Variants in PDE8A observed in about 807,000 individuals in gnomAD.
PDE8A encodes the protein phosphodiesterase 8A.
PDE8A carries 59 observed loss-of-function variants against 105.0 expected under a neutral mutation model. The observed-to-expected ratio is 0.56, with a 90% CI of 0.46 to 0.70. PDE8A has a LOEUF of 0.70. Ranked by LOEUF, PDE8A falls within the 30% of genes least tolerant of loss-of-function variation. The pLI is 0.00. For synonymous variants in PDE8A, 355 were observed against 371.9 expected, an observed-to-expected ratio of 0.95 and a Z score of 0.52; for missense variants, 1,014 against 1,045.9, an observed-to-expected ratio of 0.97 and a Z score of 0.42.
At chr15:85,061,464 T>A (rs2141444430) in intron 1 of PDE8A, among the ~76,000 whole-genome samples, 1 of 152,268 alleles carries the variant, frequency 6.6e-6, no homozygotes, top group East Asian at 1.9e-4. Context: ...GGTTTCGAAT[T>A]CCTGGCCTCA....
At position 85,137,691 on chromosome 15, in the gene PDE8A, C is replaced by G. The variant is rs968229401; in HGVS notation, c.2384-106C>G. On this transcript the variant is annotated intron_variant, in intron 21 of 21. Transcript: ENST00000394553. The stretch of plus-strand genomic sequence containing the variant: ...GTTTGCCCGGGTCTGTTTAGCCTCA[C>G]GCAGATGCCTGCTCCCATCTGTCAC... 9.7e-6 allele frequency: 7 copies of G among 722,832 alleles called. No homozygotes were observed. In the East Asian group the frequency reaches 1.3e-4, roughly 14 times the overall value. The allele number at this position is 722,832 out of a possible 1,614,324, so 44.8% of individuals were successfully genotyped here. A position where few individuals can be genotyped will look rare whatever the true frequency, so the allele number is the denominator to read the frequency against.
At chr15:85,083,258 T>G (rs2081495987) in intron 5 of PDE8A, among the ~76,000 whole-genome samples, 1 of 152,044 alleles carries the variant, frequency 6.6e-6, no homozygotes, top group Non-Finnish European at 1.5e-5. Flanking sequence ...GCTTTGTCAG[T>G]GACATGAAAA....
intron 1 of PDE8A, among the ~76,000 whole-genome samples, chr15:85,044,904 C>T (rs2080863703): frequency 6.6e-6 from 1 of 152,210 alleles, no homozygotes; most frequent in African/African-American, 2.4e-5. Flanking sequence ...TCTTGTCCTG[C>T]CTTAGAAAAC....
At chr15:85,028,987 CGAGA>C (rs1021186626) in intron 1 of PDE8A, among the ~76,000 whole-genome samples, 1 of 151,936 alleles carries the variant, frequency 6.6e-6, no homozygotes, top group African/African-American at 2.4e-5. Flanking sequence ...AGTAATCTGT[CGAGA>C]GAGAGAAATG....
intron 20 of PDE8A, 78 bp from the exon 21 acceptor site, chr15:85,136,456 C>T (rs2082411510): frequency 4.7e-6 from 7 of 1,485,938 alleles, no homozygotes; most frequent in Non-Finnish European, 4.5e-6. Flanking sequence ...AGGAGAAGCT[C>T]TTCCTGGGGG....
At chr15:85,127,272 A>G (rs1300952895) in intron 20 of PDE8A, among the ~76,000 whole-genome samples, 1 of 152,210 alleles carries the variant, frequency 6.6e-6, no homozygotes, top group Non-Finnish European at 1.5e-5. Context: ...GAAACAAGGT[A>G]AGGGTGCCCA....
chr15:85,104,214 A>G (rs1459792426), intron 11 of PDE8A, among the ~76,000 whole-genome samples: 1 of 152,178 alleles, frequency 6.6e-6, no homozygotes, highest in Non-Finnish European at 1.5e-5. Context: ...GGCAGGAGAA[A>G]ATAATTTGAA....
At position 85,083,615 on chromosome 15, in the gene PDE8A, T is replaced by C. The variant is rs376339850; in HGVS notation, c.606T>C (p.Phe202=). The C allele has an allele frequency of 3.1e-6, 5 of 1,613,400 alleles. No homozygotes were observed. The highest frequency in any genetic ancestry group is 2.2e-5 in the East Asian group (1 of 44,840). The change falls in exon 6 of 22, where the codon TTT becomes TTC. Residue 202 remains phenylalanine (F), a synonymous_variant. Transcript: ENST00000394553. ...ACYNELLQLE[F]GEVRSQLKLR... is the part of the protein sequence containing the mutation. ...ACAATGAACTGCTCCAGCTGGAGTTTGGAGAGGTGCGATCACAACTGAAAC... is the reference window on the plus strand; with the variant it reads ...ACAATGAACTGCTCCAGCTGGAGTTCGGAGAGGTGCGATCACAACTGAAAC...
At chr15:85,114,105 C>T (rs969164105) in intron 14 of PDE8A, 68 bp downstream of exon 14, 21 of 1,359,774 alleles carry the variant, frequency 1.5e-5, no homozygotes, top group Non-Finnish European at 2.2e-5. Flanking sequence ...AGAGGTTATT[C>T]ACTTAAACAG....
At chr15:85,029,863 A>G (rs1207450699) in intron 1 of PDE8A, among the ~76,000 whole-genome samples, 1 of 152,174 alleles carries the variant, frequency 6.6e-6, no homozygotes, top group Non-Finnish European at 1.5e-5. Context: ...AGTGTCACTC[A>G]TATGACAATG....
chr15:84,991,546 A>C (rs542168764), intron 1 of PDE8A, among the ~76,000 whole-genome samples: 9 of 152,230 alleles, frequency 5.9e-5, no homozygotes, highest in Non-Finnish European at 8.8e-5. Context: ...ACCCATTGTC[A>C]TTGCCAGGTA....
At chr15:85,037,065 ATTTT>A (rs756347084) in intron 1 of PDE8A, among the ~76,000 whole-genome samples, 2 of 141,458 alleles carry the variant, frequency 1.4e-5, no homozygotes, top group Admixed American at 7.1e-5. Flanking sequence ...TACTGGACTA[ATTTT>A]TTTTTTTTTT....
chr15:85,048,233 C>T (rs987991156), intron 1 of PDE8A, among the ~76,000 whole-genome samples: 3 of 151,962 alleles, frequency 2.0e-5, no homozygotes, highest in Non-Finnish European at 2.9e-5. Flanking sequence ...TAGTTTGCTT[C>T]GTTGAAGGAT....
At chr15:85,016,163 TA>T (rs1412628125) in intron 1 of PDE8A, among the ~76,000 whole-genome samples, 1 of 152,282 alleles carries the variant, frequency 6.6e-6, no homozygotes, top group South Asian at 2.1e-4. Flanking sequence ...AAATAAAATT[TA>T]AAAAATGACT....
At chr15:85,108,971 T>A (rs1596527786) in intron 11 of PDE8A, 82 bp from the exon 12 acceptor site, 7 of 966,352 alleles carry the variant, frequency 7.2e-6, no homozygotes, top group East Asian at 4.8e-5. Flanking sequence ...TTGAGAGTTT[T>A]AAAAAAATTT....
intron 1 of PDE8A, among the ~76,000 whole-genome samples, chr15:85,006,350 G>A (rs1761504825): frequency 6.6e-6 from 1 of 152,100 alleles, no homozygotes; most frequent in Non-Finnish European, 1.5e-5. Context: ...TCATAAATGT[G>A]GTGGTGAATG....
At chr15:85,112,801 G>A (rs562383304) in intron 12 of PDE8A, among the ~76,000 whole-genome samples, 1 of 152,274 alleles carries the variant, frequency 6.6e-6, no homozygotes, top group East Asian at 1.9e-4. Context: ...ACCATATCTT[G>A]ACAGGAACAA....
At chr15:85,100,441 A>T (rs115104540) in intron 11 of PDE8A, among the ~76,000 whole-genome samples, 116 of 152,358 alleles carry the variant, frequency 7.6e-4, no homozygotes, top group African/African-American at 2.7e-3. Flanking sequence ...GAAATGGTCA[A>T]CTGAAATGCA....
chr15:85,047,270 T>C (rs12909130), intron 1 of PDE8A, among the ~76,000 whole-genome samples: 31,560 of 152,202 alleles, frequency 0.21, 4,324 homozygotes, highest in Middle Eastern at 0.34. Context: ...AAAGGATGGA[T>C]ACAAGAATTC....
Sources: allele counts gnomAD v4.1 joint callset (sites outside exome capture counted in the v4.1 genomes callset), GRCh38; gene constraint gnomAD v4.1.1; transcripts MANE v1.5; gene names NCBI Gene and HGNC (gene_info 2026-07-23, HGNC 2026-07-21).